The following GRID2 variants were observed in gnomAD, a reference collection of about 807,000 sequenced individuals.
GRID2 encodes glutamate ionotropic receptor delta type subunit 2.
A neutral mutation model predicts 114.8 loss-of-function variants in GRID2; 33 were observed. The observed-to-expected ratio is 0.29, with a 90% CI of 0.22 to 0.38. GRID2 has a LOEUF of 0.38. GRID2 is among the 10% of genes least tolerant of loss of function. The pLI is 1.00. For missense variants in GRID2, 1,184 were observed against 1,257.7 expected, an observed-to-expected ratio of 0.94 and a Z score of 0.89; for synonymous variants, 505 against 449.9, an observed-to-expected ratio of 1.12 and a Z score of -1.55.
chr4:92,964,707 AC>A (rs930055847), intron 2 of GRID2, among the ~76,000 whole-genome samples: 1 of 151,742 alleles, frequency 6.6e-6, no homozygotes, highest in Non-Finnish European at 1.5e-5. Flanking sequence ...TCATGAACAA[AC>A]CTCTGCTGGC....
intron 14 of GRID2, among the ~76,000 whole-genome samples, chr4:93,761,931 A>G (rs1283806471): frequency 6.6e-6 from 1 of 152,226 alleles, no homozygotes; most frequent in Non-Finnish European, 1.5e-5. Context: ...AATATTAGAT[A>G]TGCCAATCAA....
chr4:92,590,724 A>G (rs2149211405), intron 2 of GRID2, among the ~76,000 whole-genome samples: 2 of 152,270 alleles, frequency 1.3e-5, no homozygotes, highest in Middle Eastern at 6.8e-3. Flanking sequence ...ACTACATACA[A>G]ATCAAAGATT....
chr4:93,457,257 A>G (rs1723296494), intron 11 of GRID2, among the ~76,000 whole-genome samples: 1 of 152,172 alleles, frequency 6.6e-6, no homozygotes, highest in South Asian at 2.1e-4. Flanking sequence ...GGCTTTTTAA[A>G]GTAACACTTT....
At position 92,347,287 on chromosome 4, in the gene GRID2, G is replaced by A. The variant is rs576071256; in HGVS notation, c.88+42543G>A. On this transcript the variant is annotated intron_variant, in intron 1 of 15. Coordinates refer to ENST00000282020, the MANE Select transcript of GRID2 (RefSeq NM_001510.4). ...TGTGGAATAGAGATAATTATTCCCT[G>A]AAATTATAAAGTGTGTGTGAGGCTA... Among the ~76,000 whole-genome samples the A allele has an allele frequency of 1.3e-4, 20 of 152,300 alleles. No individual in the cohort carries two copies. In the East Asian group the frequency reaches 3.9e-3, roughly 29 times the overall value.
chr4:93,450,598 T>C (rs1722596162), intron 10 of GRID2, among the ~76,000 whole-genome samples: 1 of 151,848 alleles, frequency 6.6e-6, no homozygotes, highest in Admixed American at 6.6e-5. Context: ...GATTCAGTGA[T>C]TATATTGCTT....
chr4:93,496,094 A>T (rs1905719), intron 12 of GRID2, among the ~76,000 whole-genome samples: 1 of 150,064 alleles, frequency 6.7e-6, no homozygotes. Context: ...TTTTTATTCC[A>T]TTTGAATGCA....
chr4:93,456,072 T>C (rs1723160901), intron 11 of GRID2, 98 bp downstream of exon 11: 2 of 724,768 alleles, frequency 2.8e-6, no homozygotes, highest in Non-Finnish European at 4.8e-6. Context: ...CTGACATCAA[T>C]AAGTGTTCTA....
At chr4:93,001,526 TAGTG>T (rs1464318281) in intron 2 of GRID2, among the ~76,000 whole-genome samples, 2 of 151,780 alleles carry the variant, frequency 1.3e-5, no homozygotes, top group Non-Finnish European at 1.5e-5. Flanking sequence ...CTTTGCATAA[TAGTG>T]AGTGTTTTAC....
At chr4:93,448,188 A>C (rs1272127824) in intron 10 of GRID2, among the ~76,000 whole-genome samples, 1 of 151,980 alleles carries the variant, frequency 6.6e-6, no homozygotes, top group Non-Finnish European at 1.5e-5. Flanking sequence ...ATCGTAATGC[A>C]CTTTAGGGAA....
At chr4:92,643,868 A>G (rs1486807850) in intron 2 of GRID2, among the ~76,000 whole-genome samples, 1 of 151,850 alleles carries the variant, frequency 6.6e-6, no homozygotes, top group African/African-American at 2.4e-5. Flanking sequence ...CTGATGAGAA[A>G]TTCAATCTAA....
intron 2 of GRID2, among the ~76,000 whole-genome samples, chr4:92,644,994 A>G (rs1731540323): frequency 1.3e-5 from 2 of 151,512 alleles, no homozygotes; most frequent in African/African-American, 2.4e-5. Flanking sequence ...TATTTTTAAC[A>G]TATATTCTTA....
At position 92,725,874 on chromosome 4, in the gene GRID2, G is replaced by T. The variant is rs540965111; in HGVS notation, c.244+135588G>T. On this transcript the variant is annotated intron_variant, in intron 2 of 15. Transcript: ENST00000282020. ...CAGTTATATAGAGATAAAGCTTTCTGTTGGGCTTAGCTTTTATAGCAGAAC... is the reference window on the plus strand; with the variant it reads ...CAGTTATATAGAGATAAAGCTTTCTTTTGGGCTTAGCTTTTATAGCAGAAC... 2.6e-5 allele frequency among the ~76,000 whole-genome samples: 4 copies of T among 152,218 alleles called. No individual in the cohort carries two copies. In the South Asian group the frequency reaches 8.3e-4, roughly 32 times the overall value.
intron 4 of GRID2, among the ~76,000 whole-genome samples, chr4:93,153,347 G>T (rs1315456073): frequency 6.6e-6 from 1 of 152,020 alleles, no homozygotes; most frequent in Non-Finnish European, 1.5e-5. Flanking sequence ...TCATTTTGAG[G>T]GCATTTGCCA....
chr4:92,475,754 C>CT (rs1028700347), intron 1 of GRID2, among the ~76,000 whole-genome samples: 2 of 151,802 alleles, frequency 1.3e-5, no homozygotes, highest in African/African-American at 4.8e-5. Context: ...TTTTATATCA[C>CT]TTTGGGTATT....
At chr4:93,051,338 CA>C (rs1726692279) in intron 2 of GRID2, among the ~76,000 whole-genome samples, 1 of 152,002 alleles carries the variant, frequency 6.6e-6, no homozygotes, top group Non-Finnish European at 1.5e-5. Context: ...GACATATGGA[CA>C]GATCATATAC....
At chr4:92,962,693 T>C (rs1752900711) in intron 2 of GRID2, among the ~76,000 whole-genome samples, 1 of 151,928 alleles carries the variant, frequency 6.6e-6, no homozygotes. Flanking sequence ...ATATTCACTG[T>C]GGGAATCTAG....
At chr4:93,559,527 A>T (rs1477928969) in intron 13 of GRID2, among the ~76,000 whole-genome samples, 1 of 152,226 alleles carries the variant, frequency 6.6e-6, no homozygotes, top group South Asian at 2.1e-4. Context: ...AACCACAATG[A>T]GATACCATCT....
chr4:92,610,547 C>T, intron 2 of GRID2, among the ~76,000 whole-genome samples: 1 of 151,498 alleles, frequency 6.6e-6, no homozygotes, highest in East Asian at 1.9e-4. Context: ...TTTCCTTTCC[C>T]TTCCCCCTCC....
At chr4:92,691,071 C>T (rs1734159710) in intron 2 of GRID2, among the ~76,000 whole-genome samples, 1 of 152,108 alleles carries the variant, frequency 6.6e-6, no homozygotes, top group Non-Finnish European at 1.5e-5. Flanking sequence ...AGGAACTAGT[C>T]TTCATTATTT....
Sources: gnomAD v4.1 joint callset for allele counts (sites outside exome capture counted in the v4.1 genomes callset) on GRCh38, gnomAD v4.1.1 for gene constraint, MANE v1.5 for transcripts, NCBI Gene and HGNC (gene_info 2026-07-23, HGNC 2026-07-21) for gene names.